RBFOX1: variants seen among roughly 807,000 people sequenced by gnomAD.
RBFOX1 encodes RNA binding fox-1 homolog 1.
A neutral mutation model predicts 57.7 loss-of-function variants in RBFOX1; 8 were observed. The observed-to-expected ratio is 0.14, with a 90% CI of 0.08 to 0.25. The LOEUF is 0.25. Among genes scored for constraint, RBFOX1 ranks in the 10% least tolerant of loss-of-function variants. RBFOX1 has a pLI of 1.00. For missense variants in RBFOX1, 611 were observed against 548.5 expected (o/e 1.11, Z -1.14); for synonymous variants, 326 against 222.4 (o/e 1.47, Z -4.15).
At chr16:6,797,097 C>T (rs12921971) in intron 3 of RBFOX1, among the ~76,000 whole-genome samples, 16,131 of 152,150 alleles carry the variant, frequency 0.11, 972 homozygotes, top group East Asian at 0.14. Flanking sequence ...CACATCGATC[C>T]TCCCACAGGT....
chr16:7,006,506 G>C (rs1355218435), intron 3 of RBFOX1, among the ~76,000 whole-genome samples: 1 of 152,046 alleles, frequency 6.6e-6, no homozygotes, highest in Non-Finnish European at 1.5e-5. Context: ...CTGGAATGGA[G>C]TGATATGATC....
In RBFOX1 at chr16:5,473,652, T is replaced by C. The variant is rs1279292451; in HGVS notation, c.258+6398T>C. ...ATAGATGTAAGGGTGGGTGGGTGGA[T>C]GGACAGAAGGAAGGAAGGATGGGTG... On this transcript the variant is annotated intron_variant, in intron 2 of 2. Transcript: ENST00000585867. Among the ~76,000 whole-genome samples the C allele has an allele frequency of 2.6e-5, 3 of 114,698 alleles. No individual in the cohort carries two copies. In the Admixed American group the frequency reaches 3.7e-4, roughly 14 times the overall value. 75.2% of individuals were successfully genotyped at this position (114,698 alleles called of 152,430 possible). A position where few individuals can be genotyped will look rare whatever the true frequency, so the allele number is the denominator to read the frequency against.
intron 1 of RBFOX1, among the ~76,000 whole-genome samples, chr16:6,116,422 A>T (rs999687906): frequency 5.3e-5 from 8 of 152,176 alleles, no homozygotes; most frequent in African/African-American, 1.9e-4. Flanking sequence ...TATAATAATA[A>T]TTTTTAAAAA....
At position 5,705,350 on chromosome 16, in the gene RBFOX1, C is replaced by G. The variant is rs1034082342; in HGVS notation, c.318+106389C>G. 1.1e-4 allele frequency among the ~76,000 whole-genome samples: 17 copies of G among 152,258 alleles called. No individual in the cohort carries two copies. In the South Asian group the frequency reaches 1.7e-3, roughly 15 times the overall value. On this transcript the variant is annotated intron_variant, in intron 3 of 19. Transcript: ENST00000641259. ...GATCCTTGATCACTGCAACCTCGAA[C>G]TTCTGGGCTAAAGCTATCTTCCCAC...
chr16:6,970,911 G>A (rs980263914), intron 3 of RBFOX1, among the ~76,000 whole-genome samples: 1 of 152,160 alleles, frequency 6.6e-6, no homozygotes, highest in African/African-American at 2.4e-5. Context: ...TTTGTGCTGT[G>A]CTGTTCCATT....
intron 1 of RBFOX1, among the ~76,000 whole-genome samples, chr16:5,442,878 T>C (rs2068126595): frequency 6.6e-6 from 1 of 152,144 alleles, no homozygotes; most frequent in Non-Finnish European, 1.5e-5. Flanking sequence ...TAGCTTAGAA[T>C]TTTGAGATGA....
intron 3 of RBFOX1, among the ~76,000 whole-genome samples, chr16:5,644,648 C>G (rs556167420): frequency 6.6e-5 from 10 of 152,186 alleles, no homozygotes; most frequent in Non-Finnish European, 1.5e-4. Flanking sequence ...TTTTCCTCCA[C>G]AAATTGTGGG....
At chr16:6,311,225 G>A (rs1209532688) in intron 1 of RBFOX1, among the ~76,000 whole-genome samples, 1 of 147,916 alleles carries the variant, frequency 6.8e-6, no homozygotes, top group African/African-American at 2.5e-5. Context: ...GAACACAGGA[G>A]GCAGAGGTTG....
chr16:7,144,691 G>A (rs1009371217), intron 4 of RBFOX1, among the ~76,000 whole-genome samples: 1 of 152,014 alleles, frequency 6.6e-6, no homozygotes, highest in Non-Finnish European at 1.5e-5. Flanking sequence ...ACTCTGCAGA[G>A]CAGCTTCCCT....
intron 3 of RBFOX1, among the ~76,000 whole-genome samples, chr16:6,779,245 C>G (rs1302941452): frequency 1.3e-5 from 2 of 151,966 alleles, no homozygotes; most frequent in Non-Finnish European, 2.9e-5. Context: ...TTAGCTCCCG[C>G]ATTTGTATGA....
intron 2 of RBFOX1, among the ~76,000 whole-genome samples, chr16:6,334,450 G>A (rs2083393999): frequency 6.7e-6 from 1 of 148,574 alleles, no homozygotes; most frequent in Non-Finnish European, 1.5e-5. Flanking sequence ...CTAGGTTGCA[G>A]TGAGCCGAGA....
At chr16:6,652,632 T>G (rs539621472) in intron 2 of RBFOX1, among the ~76,000 whole-genome samples, 67 of 152,154 alleles carry the variant, frequency 4.4e-4, no homozygotes, top group Non-Finnish European at 9.1e-4. Context: ...AAAATAAACT[T>G]CAGTCGTTGA....
chr16:6,436,511 CTT>C (rs61508952), intron 2 of RBFOX1, among the ~76,000 whole-genome samples: 4,284 of 103,378 alleles, frequency 0.041, 149 homozygotes, highest in African/African-American at 0.13. Context: ...TTTTTCTTCA[CTT>C]TTTTTTTTTT....
chr16:6,773,990 T>G, intron 3 of RBFOX1: 1 of 985,340 alleles, frequency 1.0e-6, no homozygotes, highest in South Asian at 4.7e-5. Context: ...CAACTGAACC[T>G]GTAATTAGCT....
intron 3 of RBFOX1, among the ~76,000 whole-genome samples, chr16:6,711,653 C>T (rs927756023): frequency 5.3e-5 from 8 of 152,168 alleles, no homozygotes; most frequent in Admixed American, 2.0e-4. Flanking sequence ...CTTCCCCATC[C>T]GTGTGGAACT....
intron 4 of RBFOX1, among the ~76,000 whole-genome samples, chr16:7,115,934 G>C (rs1343273080): frequency 6.6e-6 from 1 of 152,144 alleles, no homozygotes; most frequent in Non-Finnish European, 1.5e-5. Context: ...ACACTTATTG[G>C]GGGCTTCATA....
chr16:6,581,334 C>G (rs189965607), intron 2 of RBFOX1, among the ~76,000 whole-genome samples: 16 of 152,266 alleles, frequency 1.1e-4, no homozygotes, highest in African/African-American at 3.6e-4. Flanking sequence ...ACCCAGCACC[C>G]TTGCCTTCCT....
rs1555514797 is a variant in RBFOX1 at position 5,424,919 on chromosome 16, C to CTTTCTTTCTT, written c.220-42295_220-42286dup. ...TCTTTCTTTCTTTCTTTCTTTCTTTCTTTCTTTCTTTCTTTCTCTCTCTTC... is the reference window on the plus strand; with the variant it reads ...TCTTTCTTTCTTTCTTTCTTTCTTTCTTTCTTTCTTTTTCTTTCTTTCTTTCTCTCTCTTC... On this transcript the variant is annotated intron_variant, in intron 1 of 2. Coordinates refer to the RBFOX1 transcript ENST00000585867. Among the ~76,000 whole-genome samples the CTTTCTTTCTT allele has an allele frequency of 5.1e-3, 489 of 96,698 alleles. 29 individuals are homozygous for CTTTCTTTCTT. The highest frequency in any genetic ancestry group is 0.021 in the African/African-American group (443 of 21,276). 63.4% of individuals were successfully genotyped at this position (96,698 alleles called of 152,430 possible). A position where few individuals can be genotyped will look rare whatever the true frequency, so the allele number is the denominator to read the frequency against.
chr16:5,477,028 T>G (rs1291474079), intron 2 of RBFOX1, among the ~76,000 whole-genome samples: 1 of 152,238 alleles, frequency 6.6e-6, no homozygotes, highest in Non-Finnish European at 1.5e-5. Context: ...TTTATTTATT[T>G]TTTTGAGACA....
Sources: allele counts gnomAD v4.1 joint callset (sites outside exome capture counted in the v4.1 genomes callset), GRCh38; gene constraint gnomAD v4.1.1; transcripts MANE v1.5; gene names NCBI Gene and HGNC (gene_info 2026-07-23, HGNC 2026-07-21).